The following BBX variants were observed in gnomAD, a reference collection of about 807,000 sequenced individuals.
The protein encoded by BBX is BBX high mobility group box domain containing.
In BBX, 30 loss-of-function variants were observed where a neutral mutation model predicts 100.2. That is an observed-to-expected ratio of 0.30 (90% CI 0.22 to 0.41). BBX has a LOEUF of 0.41. BBX is among the 10% of genes least tolerant of loss of function. The pLI is 1.00. For synonymous variants in BBX, 376 were observed against 388.1 expected (o/e 0.97, Z 0.37); for missense variants, 1,023 against 1,129.8 (o/e 0.91, Z 1.35).
intron 2 of BBX, among the ~76,000 whole-genome samples, chr3:107,550,704 A>G (rs538755281): frequency 2.6e-4 from 40 of 152,284 alleles, no homozygotes; most frequent in African/African-American, 8.9e-4. Context: ...TTGCCAGGCC[A>G]ACCATGTAGG....
At chr3:107,597,290 C>T (rs982172977) in intron 2 of BBX, among the ~76,000 whole-genome samples, 2 of 152,006 alleles carry the variant, frequency 1.3e-5, no homozygotes, top group South Asian at 4.1e-4. Flanking sequence ...CTATTGATTA[C>T]CCTATCATAT....
intron 3 of BBX, among the ~76,000 whole-genome samples, chr3:107,671,532 CAT>C (rs552719916): frequency 2.3e-4 from 35 of 152,022 alleles, no homozygotes; most frequent in Admixed American, 4.6e-4. Context: ...AAAAAAAAGT[CAT>C]AATTTTGTGT....
At chr3:107,779,020 T>TACACAC (rs66512735) in intron 13 of BBX, among the ~76,000 whole-genome samples, 2 of 95,810 alleles carry the variant, frequency 2.1e-5, no homozygotes, top group African/African-American at 8.1e-5. Context: ...TATATATATA[T>TACACAC]ACACACACAC....
intron 2 of BBX, among the ~76,000 whole-genome samples, chr3:107,544,932 G>A (rs1261075998): frequency 6.6e-6 from 1 of 151,736 alleles, no homozygotes; most frequent in Non-Finnish European, 1.5e-5. Context: ...CAGGAGAATG[G>A]CATGAACCCG....
intron 2 of BBX, among the ~76,000 whole-genome samples, chr3:107,566,950 A>G (rs2050964132): frequency 6.6e-6 from 1 of 152,130 alleles, no homozygotes; most frequent in East Asian, 1.9e-4. Context: ...TTTTGGTAGT[A>G]TCTCACAGTT....
At chr3:107,605,148 C>A (rs2054337293) in intron 2 of BBX, among the ~76,000 whole-genome samples, 1 of 152,136 alleles carries the variant, frequency 6.6e-6, no homozygotes, top group Admixed American at 6.5e-5. Flanking sequence ...TGTGTTGTAT[C>A]TATCATAACA....
chr3:107,577,636 G>A (rs2051895589), intron 2 of BBX, among the ~76,000 whole-genome samples: 2 of 152,198 alleles, frequency 1.3e-5, no homozygotes, highest in Non-Finnish European at 2.9e-5. Flanking sequence ...GGCTTCTGTA[G>A]TACTTGACAC....
chr3:107,612,635 G>A (rs2054924048), intron 2 of BBX, among the ~76,000 whole-genome samples: 1 of 152,174 alleles, frequency 6.6e-6, no homozygotes, highest in Non-Finnish European at 1.5e-5. Context: ...TAGAGCTGGG[G>A]GATGGCTGAC....
chr3:107,570,330 T>G (rs2107513671), intron 2 of BBX, among the ~76,000 whole-genome samples: 1 of 152,270 alleles, frequency 6.6e-6, no homozygotes, highest in East Asian at 1.9e-4. Context: ...ATCTAATTTT[T>G]GGAGCTTTTT....
chr3:107,736,391 T>C (rs2063638556), intron 7 of BBX, among the ~76,000 whole-genome samples: 2 of 151,400 alleles, frequency 1.3e-5, no homozygotes, highest in Admixed American at 6.6e-5. Context: ...CTCTATTAAA[T>C]AGAATGCCCA....
At position 107,773,749 on chromosome 3, in the gene BBX, ACAT is replaced by A; in HGVS notation, c.1915+114_1915+116del. 1 of 905,832 alleles carries A rather than the reference ACAT, an allele frequency of 1.1e-6. No homozygotes were observed. The highest frequency in any genetic ancestry group is 1.6e-6 in the Non-Finnish European group (1 of 610,360). The allele number at this position is 905,832 out of a possible 1,614,324, so 56.1% of individuals were successfully genotyped here. A position where few individuals can be genotyped will look rare whatever the true frequency, so the allele number is the denominator to read the frequency against. On this transcript the variant is annotated intron_variant, in intron 11 of 17. Coordinates refer to ENST00000325805, the MANE Select transcript of BBX (RefSeq NM_001142568.3). This position sits in a 1 kb window ranked among gnomAD's most constrained non-coding sequence, Gnocchi z 4.1. Reference sequence around the variant, plus strand: ...CAATATGGTATCAAAATAATACCTTACATTTGTATATTTCTTTATGGTTTATAG... The same window carrying A: ...CAATATGGTATCAAAATAATACCTTATTGTATATTTCTTTATGGTTTATAG...
At chr3:107,575,138 T>C (rs910267947) in intron 2 of BBX, among the ~76,000 whole-genome samples, 1 of 152,218 alleles carries the variant, frequency 6.6e-6, no homozygotes, top group African/African-American at 2.4e-5. Context: ...CAGTGAACTT[T>C]ATGATAAAGT....
At chr3:107,604,296 C>T (rs2054275268) in intron 2 of BBX, among the ~76,000 whole-genome samples, 2 of 152,014 alleles carry the variant, frequency 1.3e-5, no homozygotes, top group Admixed American at 6.5e-5. Flanking sequence ...CCTCTTAGGT[C>T]GGAACTCTTC....
chr3:107,697,923 G>C (rs1156759050), intron 3 of BBX, among the ~76,000 whole-genome samples: 1 of 151,982 alleles, frequency 6.6e-6, no homozygotes, highest in East Asian at 1.9e-4. Context: ...AAGCTCGTCA[G>C]AAAAGCGCAG....
At chr3:107,537,731 A>G (rs938536023) in intron 2 of BBX, among the ~76,000 whole-genome samples, 20 of 152,234 alleles carry the variant, frequency 1.3e-4, no homozygotes, top group African/African-American at 3.9e-4. Flanking sequence ...GTTATACCTC[A>G]GAATGTATGT....
intron 9 of BBX, among the ~76,000 whole-genome samples, chr3:107,754,510 G>C (rs540931682): frequency 3.3e-5 from 5 of 152,262 alleles, no homozygotes; most frequent in Admixed American, 3.3e-4. Flanking sequence ...CTTTTTAATA[G>C]CCTAGGTAGG....
At chr3:107,799,688 C>G (rs1312714335) in intron 16 of BBX, among the ~76,000 whole-genome samples, 1 of 152,168 alleles carries the variant, frequency 6.6e-6, no homozygotes, top group African/African-American at 2.4e-5. Context: ...CTGGTTTAGA[C>G]CATGCAGGGA....
chr3:107,656,082 T>G (rs1254019151), intron 3 of BBX, among the ~76,000 whole-genome samples: 3 of 152,196 alleles, frequency 2.0e-5, no homozygotes, highest in Admixed American at 2.0e-4. Context: ...ACCATGATCT[T>G]ATTCTGTTAT....
intron 2 of BBX, among the ~76,000 whole-genome samples, chr3:107,629,568 T>G (rs2056419432): frequency 1.3e-5 from 2 of 152,170 alleles, no homozygotes; most frequent in South Asian, 4.1e-4. Context: ...CATTAACTTT[T>G]GGCCATGGGA....
Sources: allele counts gnomAD v4.1 joint callset (sites outside exome capture counted in the v4.1 genomes callset), GRCh38; gene constraint gnomAD v4.1.1; non-coding constraint Gnocchi (gnomAD v3.1); transcripts MANE v1.5; gene names NCBI Gene and HGNC (gene_info 2026-07-23, HGNC 2026-07-21).